The following SMG6 variants were observed in gnomAD, a reference collection of about 807,000 sequenced individuals.
SMG6 encodes the protein telomerase-binding protein EST1A.
A neutral mutation model predicts 142.2 loss-of-function variants in SMG6; 66 were observed. The ratio of observed to expected loss-of-function variants is 0.46; its 90% confidence interval spans 0.38 to 0.57. The LOEUF is 0.57. Among genes scored for constraint, SMG6 ranks in the 20% least tolerant of loss-of-function variants. SMG6 has a pLI of 0.00. For missense variants in SMG6, 1,793 were observed against 1,832.0 expected (o/e 0.98, Z 0.39); for synonymous variants, 779 against 702.4 (o/e 1.11, Z -1.72).
chr17:2,120,532 C>A (rs952972811), intron 13 of SMG6, among the ~76,000 whole-genome samples: 1 of 152,170 alleles, frequency 6.6e-6, no homozygotes, highest in Non-Finnish European at 1.5e-5. Flanking sequence ...CCAGCATAGA[C>A]AACATAGCAA....
At chr17:2,122,284 T>C (rs1421558716) in intron 13 of SMG6, 1 of 152,164 alleles carries the variant, frequency 6.6e-6, no homozygotes, top group Admixed American at 6.5e-5. Flanking sequence ...TGTTCAACTT[T>C]GCTGTATAAT....
rs145135207 is a variant in SMG6, at chr17:2,298,011, A to G, written c.1892T>C (p.Ile631Thr). 6.2e-6 allele frequency: 10 copies of G among 1,612,864 alleles called. No individual in the cohort carries two copies. The highest frequency in any genetic ancestry group is 1.3e-5 in the African/African-American group (1 of 74,916). The change falls in exon 3 of 19, where the codon ATT (isoleucine) becomes ACT (threonine). Residue 631 changes from isoleucine to threonine, a missense_variant. By Grantham distance (89) the Ile-to-Thr change is moderately conservative (BLOSUM62 -1). This residue lies in a region of SMG6 where 1,597 missense variants were observed against 1,584.6 expected (regional missense o/e 1.01). Coordinates refer to ENST00000263073, the MANE Select transcript of SMG6 (RefSeq NM_017575.5). ...QLYERCILLD[I>T]EFSDNQNVDQ... ...CACATTCTGATTATCAGAGAACTCA[A>G]TATCTAATAGAATACAGCGCTCATA...
chr17:2,230,032 AAAAATT>A (rs899464946), intron 10 of SMG6, among the ~76,000 whole-genome samples: 4 of 151,366 alleles, frequency 2.6e-5, no homozygotes, highest in Admixed American at 2.6e-4. Context: ...CTAAAAATAT[AAAAATT>A]AGCCGGGTGT....
intron 13 of SMG6, among the ~76,000 whole-genome samples, chr17:2,166,996 C>T (rs1160920326): frequency 6.6e-6 from 1 of 151,578 alleles, no homozygotes; most frequent in African/African-American, 2.4e-5. Context: ...CTTGTGGCAG[C>T]GCGTGCCCCT....
chr17:2,170,828 A>G (rs1216856737), intron 13 of SMG6, among the ~76,000 whole-genome samples: 1 of 152,230 alleles, frequency 6.6e-6, no homozygotes, highest in East Asian at 1.9e-4. Flanking sequence ...TTGATACACT[A>G]TTCATAACTG....
At chr17:2,154,852 T>C (rs1176014722) in intron 13 of SMG6, among the ~76,000 whole-genome samples, 1 of 152,038 alleles carries the variant, frequency 6.6e-6, no homozygotes, top group Non-Finnish European at 1.5e-5. Context: ...CTGGGCAACA[T>C]GGTGAAATCT....
At chr17:2,078,828 G>A (rs1467768056) in intron 15 of SMG6, among the ~76,000 whole-genome samples, 2 of 152,138 alleles carry the variant, frequency 1.3e-5, no homozygotes, top group East Asian at 3.9e-4. Context: ...GATGCTGAAG[G>A]GAAGCTGAAG....
At chr17:2,252,516 A>AT (rs2151316478) in intron 8 of SMG6, among the ~76,000 whole-genome samples, 1 of 152,334 alleles carries the variant, frequency 6.6e-6, no homozygotes, top group African/African-American at 2.4e-5. Context: ...GAGACCGCTG[A>AT]TCTTAAGAGT....
At chr17:2,151,552 G>T (rs1177914971) in intron 13 of SMG6, among the ~76,000 whole-genome samples, 1 of 152,168 alleles carries the variant, frequency 6.6e-6, no homozygotes, top group Non-Finnish European at 1.5e-5. Flanking sequence ...ACTAAGGCAG[G>T]CCTCCTCTGA....
chr17:2,139,385 T>C (rs2070401559), intron 13 of SMG6, among the ~76,000 whole-genome samples: 2 of 151,556 alleles, frequency 1.3e-5, no homozygotes, highest in South Asian at 4.2e-4. Context: ...TCTAGTACTA[T>C]AAGACCGTGT....
intron 13 of SMG6, among the ~76,000 whole-genome samples, chr17:2,112,755 C>CTTT (rs1189843396): frequency 3.1e-5 from 4 of 130,220 alleles, no homozygotes; most frequent in African/African-American, 5.7e-5. Flanking sequence ...GAGCTCCAAA[C>CTTT]TTTTTTTTTT....
chr17:2,210,768 AT>A (rs776294156), intron 10 of SMG6, among the ~76,000 whole-genome samples: 2,387 of 146,274 alleles, frequency 0.016, 89 homozygotes, highest in African/African-American at 0.052. Context: ...TTAAAAAAAA[AT>A]AAAATAAAAA....
chr17:2,277,165 A>AT (rs763149008), intron 8 of SMG6, among the ~76,000 whole-genome samples: 6 of 63,458 alleles, frequency 9.5e-5, no homozygotes, highest in South Asian at 5.4e-4. Context: ...TTATTTATTT[A>AT]TTTTTTATTT....
Position 2,292,902 on chromosome 17 carries a change from T to C in SMG6, c.2227A>G (p.Ser743Gly). 6.2e-7 allele frequency: 1 copy of C among 1,614,152 alleles called. No homozygotes were observed. Among genetic ancestry groups the C allele is most frequent in the Non-Finnish European group, 8.5e-7 (1 of 1,179,990 alleles). The part of the protein sequence containing the change: ...GDIARYREQA[S>G]DTANYGKARS... Reference sequence around the variant, plus strand: ...GCTTTCCCATAATTCGCTGTATCACTGGCTTGCTCCCGGTACCTAGCAATA... The same window carrying C: ...GCTTTCCCATAATTCGCTGTATCACCGGCTTGCTCCCGGTACCTAGCAATA... Residue 743 changes from serine to glycine, a missense_variant, in exon 5 of 19, where the codon AGT becomes GGT. By Grantham distance (56) the Ser-to-Gly change is moderately conservative. This residue lies in a region of SMG6 where 1,597 missense variants were observed against 1,584.6 expected (regional missense o/e 1.01). Transcript: ENST00000263073.
At chr17:2,125,943 A>T (rs900986420) in intron 13 of SMG6, among the ~76,000 whole-genome samples, 2 of 105,722 alleles carry the variant, frequency 1.9e-5, no homozygotes, top group Non-Finnish European at 3.7e-5. Flanking sequence ...ATGGAGTGAG[A>T]ACCCATCTCA....
intron 10 of SMG6, 48 bp from the exon 11 acceptor site, chr17:2,188,563 C>T: frequency 1.3e-6 from 2 of 1,522,330 alleles, no homozygotes; most frequent in Middle Eastern, 1.7e-4. Context: ...GGACAAGATG[C>T]ACATCACTGG....
intron 10 of SMG6, among the ~76,000 whole-genome samples, chr17:2,212,145 C>A (rs939811836): frequency 6.6e-6 from 1 of 152,158 alleles, no homozygotes; most frequent in Non-Finnish European, 1.5e-5. Flanking sequence ...AAGGTGCCAA[C>A]AGAGTTTCAA....
At chr17:2,097,555 C>T (rs1475410105) in intron 13 of SMG6, among the ~76,000 whole-genome samples, 6 of 152,158 alleles carry the variant, frequency 3.9e-5, no homozygotes, top group Admixed American at 3.9e-4. Flanking sequence ...TATTTTTGGA[C>T]TTTTCTAATT....
intron 15 of SMG6, among the ~76,000 whole-genome samples, chr17:2,070,118 C>A (rs565889990): frequency 7.9e-5 from 12 of 152,214 alleles, no homozygotes; most frequent in Non-Finnish European, 1.8e-4. Context: ...CTTGCCTTCC[C>A]TGTGGACTTT....
Sources: gnomAD v4.1 joint callset for allele counts (sites outside exome capture counted in the v4.1 genomes callset) on GRCh38, gnomAD v4.1.1 for gene constraint, gnomAD v4.1.1 regional missense constraint, MANE v1.5 for transcripts, NCBI Gene and HGNC (gene_info 2026-07-23, HGNC 2026-07-21) for gene names.